WWP1: variants seen among roughly 807,000 people sequenced by gnomAD.
WWP1 encodes WW domain containing E3 ubiquitin protein ligase 1.
Under a neutral mutation model 130.6 loss-of-function variants are expected in WWP1, and 49 were observed. The observed-to-expected ratio is 0.38, with a 90% CI of 0.30 to 0.48. The LOEUF is 0.48. Ranked by LOEUF, WWP1 falls within the 20% of genes least tolerant of loss-of-function variation. WWP1 has a pLI of 0.99. For synonymous variants in WWP1, 332 were observed against 367.8 expected, an observed-to-expected ratio of 0.90 and a Z score of 1.11; for missense variants, 809 against 1,100.6, an observed-to-expected ratio of 0.74 and a Z score of 3.75.
intron 3 of WWP1, among the ~76,000 whole-genome samples, chr8:86,378,146 C>T (rs1348193591): frequency 6.6e-6 from 1 of 151,964 alleles, no homozygotes; most frequent in Non-Finnish European, 1.5e-5. Flanking sequence ...TACACGTTTA[C>T]TGTTCTTGAT....
At chr8:86,389,631 C>G (rs981946216) in intron 5 of WWP1, among the ~76,000 whole-genome samples, 1 of 152,238 alleles carries the variant, frequency 6.6e-6, no homozygotes. Flanking sequence ...CGACAAAACC[C>G]CCATCATCAT....
chr8:86,437,738 G>C (rs1810372205), intron 16 of WWP1, among the ~76,000 whole-genome samples: 1 of 152,140 alleles, frequency 6.6e-6, no homozygotes, highest in Non-Finnish European at 1.5e-5. Context: ...TACCAATAAC[G>C]TAAAGAGTCA....
At chr8:86,391,578 A>C (rs1436298869) in intron 5 of WWP1, among the ~76,000 whole-genome samples, 1 of 152,174 alleles carries the variant, frequency 6.6e-6, no homozygotes. Flanking sequence ...GTCAGAACAT[A>C]CTTTAATCAA....
intron 24 of WWP1, among the ~76,000 whole-genome samples, chr8:86,464,412 C>G (rs1226069269): frequency 6.6e-6 from 1 of 152,108 alleles, no homozygotes; most frequent in African/African-American, 2.4e-5. Flanking sequence ...TGTTTATTTT[C>G]ATATCAAAGT....
chr8:86,399,265 A>G (rs1021758625), intron 7 of WWP1, among the ~76,000 whole-genome samples: 3 of 152,184 alleles, frequency 2.0e-5, no homozygotes, highest in Non-Finnish European at 4.4e-5. Context: ...ATGAGAAGAT[A>G]AATGCTTCAC....
intron 5 of WWP1, among the ~76,000 whole-genome samples, chr8:86,392,210 G>T (rs1157976563): frequency 2.0e-5 from 3 of 152,166 alleles, no homozygotes. Flanking sequence ...TCTAGGCCAA[G>T]ATTGAGGCCT....
At chr8:86,411,388 A>G (rs1808574032) in intron 8 of WWP1, 150 bp from the exon 9 acceptor site, 1 of 622,696 alleles carries the variant, frequency 1.6e-6, no homozygotes, top group African/African-American at 1.8e-5. Context: ...TATGTTACAT[A>G]TTTTGAAAAT....
At chr8:86,414,227 CTG>C (rs35397366) in intron 9 of WWP1, among the ~76,000 whole-genome samples, 31,822 of 150,950 alleles carry the variant, frequency 0.21, 3,437 homozygotes, top group African/African-American at 0.25. Flanking sequence ...GTTTGTTTTT[CTG>C]TGTGTGTGTG....
intron 5 of WWP1, among the ~76,000 whole-genome samples, chr8:86,395,559 A>C (rs1336973840): frequency 6.6e-6 from 1 of 152,140 alleles, no homozygotes; most frequent in African/African-American, 2.4e-5. Flanking sequence ...TTAAACCCTG[A>C]CTAGCCTAAA....
intron 23 of WWP1, 89 bp from the exon 24 acceptor site, chr8:86,461,685 A>C: frequency 1.0e-6 from 1 of 1,003,746 alleles, no homozygotes; most frequent in Non-Finnish European, 1.6e-6. Flanking sequence ...CATTCATATG[A>C]CTGTGCAACA....
intron 24 of WWP1, 131 bp downstream of exon 24, chr8:86,461,977 GATT>G: frequency 1.5e-6 from 1 of 688,806 alleles, no homozygotes; most frequent in Non-Finnish European, 2.5e-6. Flanking sequence ...TTTGAGAACA[GATT>G]AATACAGCAT....
intron 2 of WWP1, among the ~76,000 whole-genome samples, chr8:86,369,450 G>A (rs1010831893): frequency 2.0e-5 from 3 of 152,114 alleles, no homozygotes; most frequent in African/African-American, 7.2e-5. Flanking sequence ...TGGGGATTGG[G>A]TGATATGAAA....
chr8:86,448,610 G>T, intron 20 of WWP1, 97 bp downstream of exon 20: 1 of 1,237,556 alleles, frequency 8.1e-7, no homozygotes, highest in South Asian at 2.0e-5. Context: ...CATGCCTTTG[G>T]GAAGTTCTTC....
intron 21 of WWP1, among the ~76,000 whole-genome samples, chr8:86,455,930 C>T (rs76008151): frequency 1.3e-5 from 2 of 151,504 alleles, no homozygotes; most frequent in Non-Finnish European, 3.0e-5. Context: ...ATTGGTGGAA[C>T]ACTAGAATGT....
chr8:86,386,508 G>A (rs1432906779), intron 5 of WWP1, among the ~76,000 whole-genome samples: 3 of 151,950 alleles, frequency 2.0e-5, no homozygotes, highest in Admixed American at 6.6e-5. Context: ...GGGGTGTCTT[G>A]ACAATGATGC....
chr8:86,462,614 G>A (rs1811828014), intron 24 of WWP1, among the ~76,000 whole-genome samples: 1 of 152,162 alleles, frequency 6.6e-6, no homozygotes, highest in Non-Finnish European at 1.5e-5. Context: ...GGAAGGATTT[G>A]GATGCAAGGG....
At position 86,361,327 on chromosome 8, in the gene WWP1, G is replaced by A. The variant is rs1469565664; in HGVS notation, c.-114-7612G>A. Among the ~76,000 whole-genome samples, 3 of 152,242 alleles carry A rather than the reference G, an allele frequency of 2.0e-5. No homozygotes were observed. The East Asian group carries it at 5.8e-4, about 29-fold the overall frequency. On this transcript the variant is annotated intron_variant, in intron 1 of 24. Transcript: ENST00000517970. ...CTTCTTTTACCCCTGCATCTCAGTA[G>A]TCCACCACTTATAGATTCTGCTCCT...
chr8:86,358,513 G>A (rs1250737027), intron 1 of WWP1, among the ~76,000 whole-genome samples: 1 of 149,036 alleles, frequency 6.7e-6, no homozygotes. Flanking sequence ...ACAAGGTCTA[G>A]CTCTGTCTCC....
intron 22 of WWP1, 39 bp from the exon 23 acceptor site, chr8:86,461,185 T>A: frequency 6.6e-7 from 1 of 1,523,748 alleles, no homozygotes; most frequent in Non-Finnish European, 9.1e-7. Flanking sequence ...TGAAGATAGT[T>A]TAGCATTTCA....
Sources: gnomAD v4.1 joint callset for allele counts (sites outside exome capture counted in the v4.1 genomes callset) on GRCh38, gnomAD v4.1.1 for gene constraint, MANE v1.5 for transcripts, NCBI Gene and HGNC (gene_info 2026-07-23, HGNC 2026-07-21) for gene names.